Variants in TLK2 observed in about 807,000 individuals in gnomAD.
TLK2 encodes the protein serine/threonine-protein kinase tousled-like 2.
Under a neutral mutation model 117.3 loss-of-function variants are expected in TLK2, and 6 were observed. The ratio of observed to expected loss-of-function variants is 0.05; its 90% CI spans 0.03 to 0.10. The LOEUF (loss-of-function observed/expected upper bound fraction) is 0.10. Among genes scored for constraint, TLK2 ranks in the 10% least tolerant of loss-of-function variants. The pLI, the probability that TLK2 is intolerant of heterozygous loss-of-function variation, is 1.00. For synonymous variants in TLK2, 257 were observed against 316.7 expected, an observed-to-expected ratio of 0.81 and a Z score of 2.00; for missense variants, 299 against 901.2, an observed-to-expected ratio of 0.33 and a Z score of 8.56.
intron 21 of TLK2, 158 bp from the exon 22 acceptor site, chr17:62,612,234 T>C: frequency 1.5e-6 from 1 of 664,232 alleles, no homozygotes; most frequent in South Asian, 2.2e-5. Context: ...TTCCCTTGTG[T>C]TCTTTGGGTC....
chr17:62,588,144 T>A (rs1006194601), intron 16 of TLK2, among the ~76,000 whole-genome samples: 1 of 151,504 alleles, frequency 6.6e-6, no homozygotes, highest in Non-Finnish European at 1.5e-5. Flanking sequence ...GTATAAAATA[T>A]ACGTATACAT....
chr17:62,506,787 A>C (rs988521078), intron 2 of TLK2, among the ~76,000 whole-genome samples: 13 of 152,314 alleles, frequency 8.5e-5, no homozygotes, highest in Admixed American at 2.6e-4. Flanking sequence ...ACTTTTTAGC[A>C]TAAAGAGAAA....
At chr17:62,588,632 T>C (rs2146951650) in intron 16 of TLK2, among the ~76,000 whole-genome samples, 1 of 152,258 alleles carries the variant, frequency 6.6e-6, no homozygotes, top group Middle Eastern at 3.4e-3. Context: ...TCATTCTTGC[T>C]TGGGCAGCTG....
At chr17:62,593,002 G>A (rs966184290) in intron 16 of TLK2, among the ~76,000 whole-genome samples, 1 of 152,170 alleles carries the variant, frequency 6.6e-6, no homozygotes, top group African/African-American at 2.4e-5. Context: ...TGGAGCTCAG[G>A]CGGTCATGCG....
At chr17:62,511,359 G>A (rs541298554) in intron 2 of TLK2, among the ~76,000 whole-genome samples, 129 of 152,142 alleles carry the variant, frequency 8.5e-4, no homozygotes, top group African/African-American at 3.0e-3. Flanking sequence ...ATATATAAAT[G>A]GAGTCACAAA....
intron 2 of TLK2, among the ~76,000 whole-genome samples, chr17:62,516,124 C>G (rs1222705547): frequency 3.3e-5 from 5 of 152,074 alleles, no homozygotes; most frequent in Non-Finnish European, 5.9e-5. Context: ...GGAATTTCAT[C>G]ATGTTGGCCA....
chr17:62,523,055 T>G, intron 4 of TLK2, 79 bp from the exon 5 acceptor site: 1 of 1,372,526 alleles, frequency 7.3e-7, no homozygotes, highest in Non-Finnish European at 9.8e-7. Context: ...ATGTAGTTAC[T>G]GAATGTATAG....
At chr17:62,525,158 C>T (rs1435806533) in intron 6 of TLK2, among the ~76,000 whole-genome samples, 1 of 152,150 alleles carries the variant, frequency 6.6e-6, no homozygotes, top group African/African-American at 2.4e-5. Flanking sequence ...CCTCTGGGAT[C>T]TTGGGAGACA....
intron 2 of TLK2, among the ~76,000 whole-genome samples, chr17:62,497,053 T>C (rs138568470): frequency 6.6e-6 from 1 of 151,814 alleles, no homozygotes; most frequent in Admixed American, 6.6e-5. Flanking sequence ...GCCTAGGAGT[T>C]TGAGACCAGC....
Position 62,615,052 on chromosome 17 carries a change from C to CT in TLK2, c.*2491dup, listed in dbSNP as rs971121299. ...TTCCTGCCTTTTTTTTCCCCGTGGG[C>CT]TTTTAAGTGAAGCTGCAGGATTTTA... is the stretch of plus-strand genomic sequence containing the variant. On this transcript the variant is annotated 3_prime_UTR_variant, in exon 22 of 22. Coordinates refer to ENST00000346027, the MANE Select transcript of TLK2 (RefSeq NM_006852.6). 1 of 152,002 alleles carries CT rather than the reference C, an allele frequency of 6.6e-6. No homozygotes were observed. The highest frequency in any genetic ancestry group is 2.4e-5 in the African/African-American group (1 of 41,358). The allele number at this position is 152,002 out of a possible 1,614,324, so 9.4% of individuals were successfully genotyped here. A position where few individuals can be genotyped will look rare whatever the true frequency, so the allele number is the denominator to read the frequency against.
rs143519351 is a variant in TLK2 at position 62,501,455 on chromosome 17, G to A, written c.82-19318G>A. 3.5e-3 allele frequency among the ~76,000 whole-genome samples: 526 copies of A among 152,084 alleles called. 6 individuals are homozygous for A. Among genetic ancestry groups the A allele is most frequent in the African/African-American group, 0.012 (510 of 41,506 alleles). On this transcript the variant is annotated intron_variant, in intron 2 of 21. Transcript: ENST00000346027. ...AGTAAATGAGATAGAAAACAAGGCC[G>A]GGTGAGGTGGCTCACTCCTGTAATC...
At chr17:62,597,951 C>G (rs530554797) in intron 17 of TLK2, among the ~76,000 whole-genome samples, 1 of 152,244 alleles carries the variant, frequency 6.6e-6, no homozygotes, top group African/African-American at 2.4e-5. Context: ...CAGGGTAATT[C>G]TAGGAGTTTT....
chr17:62,589,931 C>T (rs140614086), intron 16 of TLK2, among the ~76,000 whole-genome samples: 9,879 of 151,478 alleles, frequency 0.065, 1,067 homozygotes, highest in African/African-American at 0.23. Flanking sequence ...CTCAGCCTCC[C>T]GAGTAGCTGG....
intron 6 of TLK2, among the ~76,000 whole-genome samples, chr17:62,534,131 T>C (rs966750825): frequency 6.6e-6 from 1 of 152,174 alleles, no homozygotes; most frequent in Admixed American, 6.5e-5. Context: ...CCTGATACTT[T>C]TTCTCAAAAA....
At chr17:62,600,959 T>TG in intron 18 of TLK2, 139 bp downstream of exon 18, 8 of 873,026 alleles carry the variant, frequency 9.2e-6, no homozygotes, top group Non-Finnish European at 1.4e-5. Flanking sequence ...TGGGTAGGTG[T>TG]GGGAAAAAAG....
chr17:62,528,417 T>A (rs1235679009), intron 6 of TLK2, among the ~76,000 whole-genome samples: 1 of 152,176 alleles, frequency 6.6e-6, no homozygotes, highest in Admixed American at 6.5e-5. Context: ...TATTTCATTT[T>A]AATTTATGTT....
At chr17:62,593,284 G>A (rs934439555) in intron 16 of TLK2, among the ~76,000 whole-genome samples, 4 of 152,158 alleles carry the variant, frequency 2.6e-5, no homozygotes, top group African/African-American at 9.7e-5. Flanking sequence ...CTAGGATACT[G>A]TTGTACACTA....
chr17:62,514,946 C>T (rs1263822714), intron 2 of TLK2, among the ~76,000 whole-genome samples: 2 of 152,206 alleles, frequency 1.3e-5, no homozygotes, highest in Non-Finnish European at 2.9e-5. Context: ...TAAATACATT[C>T]ATATTGTTTG....
At chr17:62,489,167 A>C (rs1034446288) in intron 2 of TLK2, among the ~76,000 whole-genome samples, 1 of 125,600 alleles carries the variant, frequency 8.0e-6, no homozygotes, top group African/African-American at 2.7e-5. Context: ...TTCTGTATTT[A>C]ATTGTACGTG....
Sources: gnomAD v4.1 joint callset for allele counts (sites outside exome capture counted in the v4.1 genomes callset) on GRCh38, gnomAD v4.1.1 for gene constraint, MANE v1.5 for transcripts, NCBI Gene and HGNC (gene_info 2026-07-23, HGNC 2026-07-21) for gene names.